USP34: variants seen among roughly 807,000 people sequenced by gnomAD.
The protein encoded by USP34 is ubiquitin carboxyl-terminal hydrolase 34.
A neutral mutation model predicts 460.3 loss-of-function variants in USP34; 70 were observed. That is an observed-to-expected ratio of 0.15 (90% CI 0.13 to 0.19). USP34 has a LOEUF of 0.19. Ranked by LOEUF, USP34 falls within the 10% of genes least tolerant of loss-of-function variation. The pLI, the probability that USP34 is intolerant of heterozygous loss-of-function variation, is 1.00. For synonymous variants in USP34, 1,647 were observed against 1,405.3 expected (o/e 1.17, Z -3.85); for missense variants, 3,985 against 4,236.2 (o/e 0.94, Z 1.65).
At position 61,201,211 on chromosome 2, in the gene USP34, GTTTT is replaced by G. The variant is rs59199472; in HGVS notation, c.9508+1925_9508+1928del. ...AAGAATATTTCCATCCTCATAGAAA[GTTTT>G]TTTTTTTTTTTTTTTTTTTGAGACT... On this transcript the variant is annotated intron_variant, in intron 75 of 79. Coordinates refer to ENST00000398571, the MANE Select transcript of USP34 (RefSeq NM_014709.4). Among the ~76,000 whole-genome samples the G allele has an allele frequency of 1.3e-4, 13 of 101,384 alleles. No individual in the cohort carries two copies. The South Asian group carries it at 1.5e-3, about 12-fold the overall frequency. The allele number at this position is 101,384 out of a possible 152,430, so 66.5% of individuals were successfully genotyped here. A position where few individuals can be genotyped will look rare whatever the true frequency, so the allele number is the denominator to read the frequency against.
chr2:61,238,912 TTC>T (rs1477086937), intron 53 of USP34, among the ~76,000 whole-genome samples: 9 of 152,112 alleles, frequency 5.9e-5, no homozygotes, highest in Middle Eastern at 3.4e-3. Flanking sequence ...TGTGCTCACT[TTC>T]TGTCTCTGTC....
chr2:61,427,824 C>G (rs926590085), intron 1 of USP34, among the ~76,000 whole-genome samples: 1 of 152,150 alleles, frequency 6.6e-6, no homozygotes. Context: ...AAAAATGAAG[C>G]ATGCCTACGG....
chr2:61,262,052 C>A (rs1019551947), intron 43 of USP34, among the ~76,000 whole-genome samples: 5 of 132,602 alleles, frequency 3.8e-5, no homozygotes, highest in Non-Finnish European at 6.1e-5. Flanking sequence ...GATCGCGCCA[C>A]TGCACTCTAG....
intron 53 of USP34, among the ~76,000 whole-genome samples, chr2:61,239,774 C>A (rs956575625): frequency 6.6e-6 from 1 of 151,954 alleles, no homozygotes; most frequent in Admixed American, 6.5e-5. Flanking sequence ...TTTGGGAGGC[C>A]GAGATGGGCG....
At chr2:61,387,842 T>G (rs957144487) in intron 5 of USP34, among the ~76,000 whole-genome samples, 1 of 149,690 alleles carries the variant, frequency 6.7e-6, no homozygotes, top group Non-Finnish European at 1.5e-5. Context: ...TTTTTACGTA[T>G]ACACACATGT....
chr2:61,276,491 G>A (rs576096637), intron 41 of USP34, among the ~76,000 whole-genome samples: 10 of 151,978 alleles, frequency 6.6e-5, no homozygotes, highest in South Asian at 2.1e-4. Flanking sequence ...TTATACATGC[G>A]TATTTACTGT....
chr2:61,262,485 T>C (rs959305389), intron 43 of USP34, among the ~76,000 whole-genome samples: 4 of 152,174 alleles, frequency 2.6e-5, no homozygotes, highest in Admixed American at 6.5e-5. Context: ...GGCCTCCAGT[T>C]CCATACATGT....
chr2:61,273,193 T>G (rs1379510121), intron 41 of USP34, among the ~76,000 whole-genome samples: 2 of 152,154 alleles, frequency 1.3e-5, no homozygotes, highest in African/African-American at 2.4e-5. Flanking sequence ...AAAAGAATCT[T>G]CTAAATAAAA....
At chr2:61,313,429 G>A (rs1172945442) in intron 25 of USP34, among the ~76,000 whole-genome samples, 1 of 152,056 alleles carries the variant, frequency 6.6e-6, no homozygotes, top group Admixed American at 6.6e-5. Context: ...GACCTTGTTG[G>A]TTTGTTGAAG....
chr2:61,318,169 G>A (rs935780254), intron 22 of USP34, among the ~76,000 whole-genome samples: 1 of 142,968 alleles, frequency 7.0e-6, no homozygotes, highest in Non-Finnish European at 1.5e-5. Context: ...CTCCAGCCTT[G>A]GAGACAGAGC....
chr2:61,459,172 T>C (rs1170722077), intron 1 of USP34, among the ~76,000 whole-genome samples: 1 of 152,044 alleles, frequency 6.6e-6, no homozygotes, highest in Non-Finnish European at 1.5e-5. Context: ...ACAGTCAGGG[T>C]CCTCTTAAAA....
rs189765822 is a variant in USP34, at chr2:61,350,104, G to A, written c.1507+156C>T. Among the ~76,000 whole-genome samples, 346 of 151,848 alleles carry A rather than the reference G, an allele frequency of 2.3e-3. 3 individuals carry two copies. The highest frequency in any genetic ancestry group is 6.9e-3 in the South Asian group (33 of 4,804). The stretch of plus-strand genomic sequence containing the variant: ...TCACTTAAAAGGTAAACCAAAACAC[G>A]AACTAATCACAGTATTAATCCTTTT... On this transcript the variant is annotated intron_variant, in intron 12 of 79. Transcript: ENST00000398571.
intron 1 of USP34, among the ~76,000 whole-genome samples, chr2:61,439,752 C>T (rs774167309): frequency 6.6e-6 from 1 of 152,188 alleles, no homozygotes; most frequent in Non-Finnish European, 1.5e-5. Context: ...CGCAGGGAGG[C>T]AGGAGGCTGT....
intron 23 of USP34, 31 bp downstream of exon 23, chr2:61,317,623 G>A (rs1325027031): frequency 1.9e-6 from 3 of 1,538,738 alleles, no homozygotes; most frequent in East Asian, 2.2e-5. Context: ...GAGGAATAAA[G>A]TTGCCTAATA....
intron 69 of USP34, among the ~76,000 whole-genome samples, chr2:61,210,099 C>T (rs1484342503): frequency 6.6e-6 from 1 of 152,094 alleles, no homozygotes; most frequent in Non-Finnish European, 1.5e-5. Context: ...AAGTTCAGTA[C>T]ATTAATAATG....
chr2:61,465,375 C>A (rs750201353), intron 1 of USP34, among the ~76,000 whole-genome samples: 1 of 152,204 alleles, frequency 6.6e-6, no homozygotes, highest in Non-Finnish European at 1.5e-5. Flanking sequence ...AATATTAATA[C>A]TCTCACCAAA....
At chr2:61,464,697 G>A (rs900396459) in intron 1 of USP34, among the ~76,000 whole-genome samples, 6 of 111,308 alleles carry the variant, frequency 5.4e-5, no homozygotes, top group Admixed American at 1.4e-4. Flanking sequence ...CAGCCTGGGC[G>A]AAAGAGCGAG....
At chr2:61,266,756 G>C (rs904815543) in intron 41 of USP34, among the ~76,000 whole-genome samples, 1 of 152,062 alleles carries the variant, frequency 6.6e-6, no homozygotes, top group Non-Finnish European at 1.5e-5. Flanking sequence ...AAAACCTCCT[G>C]GAGTACTGTG....
intron 1 of USP34, among the ~76,000 whole-genome samples, chr2:61,457,292 G>A (rs1414160988): frequency 6.6e-6 from 1 of 152,136 alleles, no homozygotes; most frequent in Non-Finnish European, 1.5e-5. Flanking sequence ...AGGTGCAGTA[G>A]CCATTTCTGT....
Sources: gnomAD v4.1 joint callset for allele counts (sites outside exome capture counted in the v4.1 genomes callset) on GRCh38, gnomAD v4.1.1 for gene constraint, MANE v1.5 for transcripts, NCBI Gene and HGNC (gene_info 2026-07-23, HGNC 2026-07-21) for gene names.